TBC1D5: variants seen among roughly 807,000 people sequenced by gnomAD.
The protein encoded by TBC1D5 is TBC1 domain family, member 5.
TBC1D5 carries 75 observed loss-of-function variants against 100.3 expected under a neutral mutation model. The ratio of observed to expected loss-of-function variants is 0.75; its 90% CI spans 0.62 to 0.91. The LOEUF (loss-of-function observed/expected upper bound fraction) is 0.91. Ranked by LOEUF, TBC1D5 falls within the 40% of genes least tolerant of loss-of-function variation. TBC1D5 has a pLI of 0.00. For missense variants in TBC1D5, 910 were observed against 942.4 expected (o/e 0.97, Z 0.45); for synonymous variants, 323 against 325.6 (o/e 0.99, Z 0.09).
At chr3:17,292,457 A>G (rs988058272) in intron 14 of TBC1D5, among the ~76,000 whole-genome samples, 5 of 152,230 alleles carry the variant, frequency 3.3e-5, no homozygotes, top group Non-Finnish European at 7.3e-5. Flanking sequence ...GTATAGGTAA[A>G]CATTACGTAA....
chr3:17,660,125 A>G (rs544809603), intron 1 of TBC1D5, among the ~76,000 whole-genome samples: 1 of 152,222 alleles, frequency 6.6e-6, no homozygotes, highest in African/African-American at 2.4e-5. Context: ...AGAAAGCCCA[A>G]GCAACTACAA....
At chr3:17,527,634 C>T (rs573600438) in intron 2 of TBC1D5, among the ~76,000 whole-genome samples, 1 of 152,096 alleles carries the variant, frequency 6.6e-6, no homozygotes, top group Admixed American at 6.5e-5. Context: ...AAGGCAAGTC[C>T]TCAAAATTGT....
chr3:17,609,838 T>G (rs1300923110), intron 2 of TBC1D5, among the ~76,000 whole-genome samples: 2 of 152,200 alleles, frequency 1.3e-5, no homozygotes, highest in Non-Finnish European at 2.9e-5. Flanking sequence ...AAACTAGGAC[T>G]GAAGAAGAAA....
intron 4 of TBC1D5, among the ~76,000 whole-genome samples, chr3:17,428,211 G>GT (rs1318011224): frequency 6.6e-6 from 1 of 151,706 alleles, no homozygotes; most frequent in Non-Finnish European, 1.5e-5. Context: ...AGATACTGCA[G>GT]TAAGTGCATT....
chr3:17,581,598 T>C (rs969376526), intron 2 of TBC1D5, among the ~76,000 whole-genome samples: 1 of 152,212 alleles, frequency 6.6e-6, no homozygotes, highest in African/African-American at 2.4e-5. Context: ...CATCTCTTTC[T>C]TGCATAACTC....
chr3:17,739,187 T>C (rs898148839), intron 1 of TBC1D5, among the ~76,000 whole-genome samples: 11 of 152,104 alleles, frequency 7.2e-5, no homozygotes, highest in African/African-American at 2.4e-4. Context: ...GATCTACCCA[T>C]GTTGAGAGAA....
chr3:17,350,041 G>T (rs1306951334), intron 13 of TBC1D5, among the ~76,000 whole-genome samples: 3 of 152,110 alleles, frequency 2.0e-5, no homozygotes, highest in Non-Finnish European at 2.9e-5. Context: ...TGCAAGAGTG[G>T]AGAATTAAGA....
chr3:17,444,180 G>A (rs559380381), intron 3 of TBC1D5, among the ~76,000 whole-genome samples: 2 of 151,828 alleles, frequency 1.3e-5, no homozygotes, highest in South Asian at 4.2e-4. Context: ...AGATGTAAAA[G>A]CAATGCAAAC....
In TBC1D5 at chr3:17,187,895, G is replaced by T. The variant is rs184447452; in HGVS notation, c.1753-2687C>A. On this transcript the variant is annotated intron_variant, in intron 18 of 21. Coordinates refer to ENST00000253692, the Ensembl canonical transcript of TBC1D5. ...AAAACTTCTCCTCTATTTACTCCAT[G>T]CATTAGTTTAAATTGGATTAGCCAC... Among the ~76,000 whole-genome samples the T allele has an allele frequency of 3.9e-5, 6 of 152,334 alleles. No individual in the cohort carries two copies. The East Asian group carries it at 1.2e-3, about 29-fold the overall frequency.
intron 15 of TBC1D5, among the ~76,000 whole-genome samples, chr3:17,264,116 G>A (rs1361004967): frequency 1.3e-5 from 2 of 151,932 alleles, no homozygotes; most frequent in Admixed American, 1.3e-4. Flanking sequence ...TACCCCTATG[G>A]CAACATTTCA....
chr3:17,686,723 T>G (rs1325160316), intron 1 of TBC1D5, among the ~76,000 whole-genome samples: 1 of 152,146 alleles, frequency 6.6e-6, no homozygotes, highest in Non-Finnish European at 1.5e-5. Flanking sequence ...CCTATATTGT[T>G]AAAGCATGGG....
chr3:17,691,348 T>C (rs898183536), intron 1 of TBC1D5, among the ~76,000 whole-genome samples: 5 of 152,226 alleles, frequency 3.3e-5, no homozygotes, highest in African/African-American at 1.2e-4. Flanking sequence ...GAATGTTTTA[T>C]CAATTCTCCT....
intron 2 of TBC1D5, among the ~76,000 whole-genome samples, chr3:17,585,144 T>C (rs1334641318): frequency 6.6e-6 from 1 of 152,208 alleles, no homozygotes; most frequent in Non-Finnish European, 1.5e-5. Context: ...TACGAAACTT[T>C]CTAATAAAAA....
At chr3:17,628,695 G>C (rs918078644) in intron 1 of TBC1D5, among the ~76,000 whole-genome samples, 1 of 152,176 alleles carries the variant, frequency 6.6e-6, no homozygotes, top group African/African-American at 2.4e-5. Context: ...ATGCAAAGAA[G>C]AGAGATGCTC....
intron 1 of TBC1D5, among the ~76,000 whole-genome samples, chr3:17,712,053 A>AT (rs2074792214): frequency 6.6e-6 from 1 of 152,182 alleles, no homozygotes; most frequent in Non-Finnish European, 1.5e-5. Flanking sequence ...TTCACAATAA[A>AT]AATAATCATC....
At chr3:17,487,875 C>G (rs746427597) in intron 3 of TBC1D5, among the ~76,000 whole-genome samples, 5 of 152,086 alleles carry the variant, frequency 3.3e-5, no homozygotes, top group Non-Finnish European at 7.4e-5. Context: ...AACAAAAGTA[C>G]AGTAAAGAGA....
At chr3:17,299,711 T>A (rs2082627584) in intron 14 of TBC1D5, among the ~76,000 whole-genome samples, 1 of 151,870 alleles carries the variant, frequency 6.6e-6, no homozygotes, top group Non-Finnish European at 1.5e-5. Context: ...ACAAAAAAAT[T>A]AGCTGGATGT....
intron 13 of TBC1D5, among the ~76,000 whole-genome samples, chr3:17,323,169 C>T (rs890373312): frequency 7.9e-5 from 12 of 152,040 alleles, no homozygotes; most frequent in African/African-American, 2.2e-4. Context: ...TGTGAAGAAA[C>T]GGGAAAAACA....
At chr3:17,529,822 A>G (rs889778031) in intron 2 of TBC1D5, among the ~76,000 whole-genome samples, 1 of 152,030 alleles carries the variant, frequency 6.6e-6, no homozygotes, top group Non-Finnish European at 1.5e-5. Context: ...TACTTGTGGG[A>G]AAAACGTGAG....
Sources: allele counts gnomAD v4.1 joint callset (sites outside exome capture counted in the v4.1 genomes callset), GRCh38; gene constraint gnomAD v4.1.1; transcripts MANE v1.5; gene names NCBI Gene and HGNC (gene_info 2026-07-23, HGNC 2026-07-21).